The following PPP2R2B variants were observed in gnomAD, a reference collection of about 807,000 sequenced individuals.
PPP2R2B encodes the protein serine/threonine-protein phosphatase 2A 55 kDa regulatory subunit B beta isoform.
In PPP2R2B, 5 loss-of-function variants were observed where a neutral mutation model predicts 46.0. The ratio of observed to expected loss-of-function variants is 0.11; its 90% CI spans 0.06 to 0.23. PPP2R2B has a LOEUF of 0.23. PPP2R2B is among the 10% of genes least tolerant of loss of function. The probability of loss-of-function intolerance (pLI) is 1.00; values close to 1 mark genes in which losing one functional copy is unlikely to be tolerated. For missense variants in PPP2R2B, 367 were observed against 575.0 expected (o/e 0.64, Z 3.70); for synonymous variants, 215 against 206.7 (o/e 1.04, Z -0.34).
chr5:146,740,575 A>T (rs1385775186), intron 2 of PPP2R2B, among the ~76,000 whole-genome samples: 2 of 1,154 alleles, frequency 1.7e-3, no homozygotes, highest in African/African-American at 0.022. Context: ...AAATGAGATC[A>T]CACACACACA....
At chr5:146,935,416 C>T (rs924411214) in intron 1 of PPP2R2B, among the ~76,000 whole-genome samples, 3 of 152,176 alleles carry the variant, frequency 2.0e-5, no homozygotes, top group African/African-American at 7.2e-5. Flanking sequence ...ATAAGGTACT[C>T]AGCTTATGAT....
chr5:147,051,662 C>A (rs969047711), intron 1 of PPP2R2B, among the ~76,000 whole-genome samples: 1 of 151,900 alleles, frequency 6.6e-6, no homozygotes, highest in African/African-American at 2.4e-5. Context: ...AATAACAGGC[C>A]CTCCAGTGCC....
At chr5:147,064,102 G>T (rs922732184) in intron 2 of PPP2R2B, among the ~76,000 whole-genome samples, 1 of 152,134 alleles carries the variant, frequency 6.6e-6, no homozygotes. Flanking sequence ...AGTTCTGTTT[G>T]GCCTGCAGAG....
chr5:147,018,904 A>T (rs1293538230), intron 1 of PPP2R2B, among the ~76,000 whole-genome samples: 1 of 152,168 alleles, frequency 6.6e-6, no homozygotes, highest in South Asian at 2.1e-4. Context: ...TTATTATTTT[A>T]AAAAACTCCC....
At chr5:146,856,345 T>C (rs1181482238) in intron 2 of PPP2R2B, among the ~76,000 whole-genome samples, 1 of 152,216 alleles carries the variant, frequency 6.6e-6, no homozygotes, top group Non-Finnish European at 1.5e-5. Context: ...AATTAACTTG[T>C]GTCCTACGGA....
chr5:146,812,789 G>GTATA (rs1223828568), intron 2 of PPP2R2B, among the ~76,000 whole-genome samples: 269 of 6,404 alleles, frequency 0.042, 23 homozygotes, highest in East Asian at 0.075. Flanking sequence ...GTGTGTATAT[G>GTATA]TGTGTATATA....
chr5:146,681,632 T>C (rs1489298013), intron 5 of PPP2R2B, among the ~76,000 whole-genome samples: 1 of 152,222 alleles, frequency 6.6e-6, no homozygotes, highest in African/African-American at 2.4e-5. Flanking sequence ...GCCCTTTAAA[T>C]GAAAAGATGG....
At chr5:146,834,315 G>A (rs751002753) in intron 2 of PPP2R2B, among the ~76,000 whole-genome samples, 2 of 152,144 alleles carry the variant, frequency 1.3e-5, no homozygotes, top group Non-Finnish European at 2.9e-5. Flanking sequence ...GATAGAATGG[G>A]TGACTTGACT....
chr5:146,856,512 G>A (rs1047874898), intron 2 of PPP2R2B: 1 of 1,600,298 alleles, frequency 6.2e-7, no homozygotes, highest in African/African-American at 1.3e-5. Context: ...TATTTCCATA[G>A]GTGTTTTCAT....
At chr5:146,895,536 A>C (rs1275967613) in intron 1 of PPP2R2B, among the ~76,000 whole-genome samples, 1 of 152,202 alleles carries the variant, frequency 6.6e-6, no homozygotes. Context: ...TTTTAATCTC[A>C]TCAGCAGTTT....
chr5:146,994,769 C>T (rs1753851425), intron 1 of PPP2R2B, among the ~76,000 whole-genome samples: 1 of 152,172 alleles, frequency 6.6e-6, no homozygotes, highest in South Asian at 2.1e-4. Flanking sequence ...AGGCTCTGCA[C>T]AGGGCATTTA....
At chr5:146,800,774 T>C (rs1756814722) in intron 2 of PPP2R2B, among the ~76,000 whole-genome samples, 1 of 152,100 alleles carries the variant, frequency 6.6e-6, no homozygotes, top group African/African-American at 2.4e-5. Context: ...AGGGGGGCTC[T>C]CCAAGGAAGT....
chr5:146,676,497 C>A (rs558401420), intron 5 of PPP2R2B, among the ~76,000 whole-genome samples: 3 of 152,258 alleles, frequency 2.0e-5, no homozygotes, highest in Admixed American at 2.0e-4. Context: ...CCGCCTCTGC[C>A]TAGAACATTC....
At chr5:146,769,791 G>C (rs1044350931) in intron 2 of PPP2R2B, among the ~76,000 whole-genome samples, 1 of 152,112 alleles carries the variant, frequency 6.6e-6, no homozygotes, top group East Asian at 1.9e-4. Context: ...AGAACTTATA[G>C]ACAAGTGAGA....
chr5:146,869,345 T>G (rs1761484461), intron 2 of PPP2R2B, among the ~76,000 whole-genome samples: 1 of 152,128 alleles, frequency 6.6e-6, no homozygotes, highest in Non-Finnish European at 1.5e-5. Context: ...ACACAGATAA[T>G]CACTGCAGCA....
intron 1 of PPP2R2B, among the ~76,000 whole-genome samples, chr5:146,951,901 G>A (rs145906943): frequency 1.1e-4 from 16 of 151,450 alleles, no homozygotes; most frequent in African/African-American, 3.4e-4. Context: ...GGGTCAAATG[G>A]TGTTTCTGGT....
At chr5:146,654,494 T>C (rs756996556) in intron 5 of PPP2R2B, among the ~76,000 whole-genome samples, 1 of 152,228 alleles carries the variant, frequency 6.6e-6, no homozygotes, top group African/African-American at 2.4e-5. Flanking sequence ...CTGTGGTGTA[T>C]GGATGTGACA....
upstream of PPP2R2B, chr5:147,081,495 G>A (rs548731455): frequency 3.4e-6 from 2 of 590,518 alleles, no homozygotes; most frequent in Non-Finnish European, 6.0e-6. Flanking sequence ...GAATACTAAT[G>A]CTTTTGATTG....
intron 5 of PPP2R2B, among the ~76,000 whole-genome samples, chr5:146,653,681 A>G (rs1267781670): frequency 6.6e-6 from 1 of 152,194 alleles, no homozygotes; most frequent in Non-Finnish European, 1.5e-5. Flanking sequence ...AGCCAGGAAC[A>G]AGAGGCATTA....
Sources: allele counts gnomAD v4.1 joint callset (sites outside exome capture counted in the v4.1 genomes callset), GRCh38; gene constraint gnomAD v4.1.1; transcripts MANE v1.5; gene names NCBI Gene and HGNC (gene_info 2026-07-23, HGNC 2026-07-21).